SORCS1: variants seen among roughly 807,000 people sequenced by gnomAD.
The protein encoded by SORCS1 is sortilin related VPS10 domain containing receptor 1.
Under a neutral mutation model 146.1 loss-of-function variants are expected in SORCS1, and 60 were observed. The ratio of observed to expected loss-of-function variants is 0.41; its 90% CI spans 0.33 to 0.51. The LOEUF is 0.51. SORCS1 is among the 20% of genes least tolerant of loss of function. The probability of loss-of-function intolerance (pLI) is 0.21; values close to 1 mark genes in which losing one functional copy is unlikely to be tolerated. For missense variants in SORCS1, 1,352 were observed against 1,487.6 expected (o/e 0.91, Z 1.50); for synonymous variants, 637 against 584.0 (o/e 1.09, Z -1.31).
intron 3 of SORCS1, among the ~76,000 whole-genome samples, chr10:106,820,629 A>C (rs899458869): frequency 6.6e-6 from 1 of 152,204 alleles, no homozygotes; most frequent in East Asian, 1.9e-4. Context: ...ACCAGGAGAA[A>C]GCTTGGGGCA....
chr10:106,932,492 G>A (rs1953470703), intron 2 of SORCS1, among the ~76,000 whole-genome samples: 2 of 152,138 alleles, frequency 1.3e-5, no homozygotes, highest in South Asian at 2.1e-4. Context: ...GAGTGATAGT[G>A]ATCTTTCTCC....
chr10:107,180,058 A>C, the SORCS1 span, among the ~76,000 whole-genome samples: 1 of 151,712 alleles, frequency 6.6e-6, no homozygotes, highest in Non-Finnish European at 1.5e-5. Context: ...CTGGGACTAC[A>C]GATGTCTGCC....
chr10:107,180,475 C>T, the SORCS1 span, among the ~76,000 whole-genome samples: 2 of 151,966 alleles, frequency 1.3e-5, no homozygotes, highest in African/African-American at 2.4e-5. Context: ...AAGGCTCTGA[C>T]CTTTGTTTTA....
intron 9 of SORCS1, among the ~76,000 whole-genome samples, chr10:106,689,732 T>C (rs1290274114): frequency 6.6e-6 from 1 of 152,202 alleles, no homozygotes; most frequent in Admixed American, 6.5e-5. Flanking sequence ...TCACAGAAAG[T>C]TGAGATTCAC....
chr10:106,818,796 GTACA>G (rs1355820444), intron 3 of SORCS1, among the ~76,000 whole-genome samples: 1 of 152,152 alleles, frequency 6.6e-6, no homozygotes, highest in Admixed American at 6.5e-5. Flanking sequence ...GTTTCTCATA[GTACA>G]TACACCGAAA....
At chr10:106,724,265 T>C (rs1348400670) in intron 6 of SORCS1, among the ~76,000 whole-genome samples, 1 of 152,120 alleles carries the variant, frequency 6.6e-6, no homozygotes, top group Admixed American at 6.5e-5. Flanking sequence ...TCCCAGCACT[T>C]TGGGAGGCCG....
chr10:106,925,913 C>A (rs1952991749), intron 2 of SORCS1, among the ~76,000 whole-genome samples: 1 of 152,118 alleles, frequency 6.6e-6, no homozygotes, highest in South Asian at 2.1e-4. Context: ...AGTTCTGTTC[C>A]TGGACAACTG....
At chr10:107,027,232 T>C (rs1001186478) in intron 1 of SORCS1, among the ~76,000 whole-genome samples, 1 of 151,850 alleles carries the variant, frequency 6.6e-6, no homozygotes, top group Non-Finnish European at 1.5e-5. Flanking sequence ...GCAAGGAAGA[T>C]TTGGAAGCCC....
chr10:106,997,035 C>CT (rs55830068), intron 1 of SORCS1, among the ~76,000 whole-genome samples: 34,364 of 148,286 alleles, frequency 0.23, 4,604 homozygotes, highest in Middle Eastern at 0.35. Flanking sequence ...CTTTAACATC[C>CT]TTTTTTTTTT....
intron 2 of SORCS1, among the ~76,000 whole-genome samples, chr10:106,895,647 G>C (rs959074553): frequency 6.6e-6 from 1 of 152,128 alleles, no homozygotes; most frequent in Non-Finnish European, 1.5e-5. Flanking sequence ...AAATTGGAGA[G>C]GATGTGGAGA....
chr10:106,577,174 ATGTTT>A lies in SORCS1; in HGVS notation c.*241_*245del, dbSNP rs755637324. The A allele has an allele frequency of 2.9e-5, 42 of 1,424,496 alleles. No homozygotes were observed. The highest frequency in any genetic ancestry group is 3.7e-5 in the Non-Finnish European group (39 of 1,061,634). 88.2% of individuals were successfully genotyped at this position (1,424,496 alleles called of 1,614,324 possible). ...TTTGGATTTTGATTGTTTATATTTT[ATGTTT>A]TGTTTTGTTTTTGTTTTTGTTTTTT... is the stretch of plus-strand genomic sequence containing the variant. On this transcript the variant is annotated 3_prime_UTR_variant, in exon 26 of 26. Transcript: ENST00000263054.
chr10:107,021,527 A>G (rs1457698341), intron 1 of SORCS1, among the ~76,000 whole-genome samples: 2 of 149,736 alleles, frequency 1.3e-5, no homozygotes, highest in African/African-American at 4.9e-5. Flanking sequence ...AAAAAAAAAA[A>G]AAAAAAAAAA....
At chr10:106,936,052 G>GA (rs1192232319) in intron 2 of SORCS1, among the ~76,000 whole-genome samples, 3 of 152,170 alleles carry the variant, frequency 2.0e-5, no homozygotes, top group East Asian at 3.9e-4. Flanking sequence ...ACTGCCTCCT[G>GA]AAAATCTGCA....
chr10:106,607,640 T>C (rs536335595), intron 22 of SORCS1, among the ~76,000 whole-genome samples: 1 of 152,324 alleles, frequency 6.6e-6, no homozygotes, highest in African/African-American at 2.4e-5. Flanking sequence ...GAGTTACACA[T>C]GAAGTATTTA....
chr10:106,866,420 T>A (rs2137513957), intron 2 of SORCS1, among the ~76,000 whole-genome samples: 1 of 152,320 alleles, frequency 6.6e-6, no homozygotes, highest in African/African-American at 2.4e-5. Flanking sequence ...TGCATCTCTC[T>A]GGGGTAGAGT....
chr10:106,901,872 C>T (rs56309327), intron 2 of SORCS1, among the ~76,000 whole-genome samples: 11,642 of 152,022 alleles, frequency 0.077, 983 homozygotes, highest in African/African-American at 0.2. Flanking sequence ...TGAAACCCTG[C>T]CTTTATTAAA....
intron 6 of SORCS1, among the ~76,000 whole-genome samples, chr10:106,716,028 G>T (rs1166040666): frequency 6.6e-6 from 1 of 152,152 alleles, no homozygotes; most frequent in Non-Finnish European, 1.5e-5. Context: ...TGTGATTACA[G>T]GAGTGAGCCA....
chr10:107,028,067 C>A (rs900645163), intron 1 of SORCS1, among the ~76,000 whole-genome samples: 1 of 152,208 alleles, frequency 6.6e-6, no homozygotes, highest in African/African-American at 2.4e-5. Flanking sequence ...AAATTTGCTT[C>A]TCTTCTTGTC....
At chr10:106,989,668 C>CTGTTTTTTTTT (rs1956665070) in intron 1 of SORCS1, among the ~76,000 whole-genome samples, 1 of 127,220 alleles carries the variant, frequency 7.9e-6, no homozygotes, top group African/African-American at 3.5e-5. Flanking sequence ...CATATTTTTT[C>CTGTTTTTTTTT]TGTTTTTTTT....
Sources: gnomAD v4.1 joint callset for allele counts (sites outside exome capture counted in the v4.1 genomes callset) on GRCh38, gnomAD v4.1.1 for gene constraint, MANE v1.5 for transcripts, NCBI Gene and HGNC (gene_info 2026-07-23, HGNC 2026-07-21) for gene names.